The following ADRA1B variants were observed in gnomAD, a reference collection of about 807,000 sequenced individuals.
The protein encoded by ADRA1B is alpha-1B adrenergic receptor.
Under a neutral mutation model 17.9 loss-of-function variants are expected in ADRA1B, and 17 were observed. That is an observed-to-expected ratio of 0.95 (90% CI 0.65 to 1.42). ADRA1B has a LOEUF of 1.42. Ranked by LOEUF, ADRA1B falls within the 40% of genes most tolerant of loss-of-function variation. The probability of loss-of-function intolerance (pLI) is 0.00; values close to 1 mark genes in which losing one functional copy is unlikely to be tolerated. For missense variants in ADRA1B, 681 were observed against 722.1 expected, an observed-to-expected ratio of 0.94 and a Z score of 0.65; for synonymous variants, 366 against 327.6, an observed-to-expected ratio of 1.12 and a Z score of -1.27.
intron 1 of ADRA1B, among the ~76,000 whole-genome samples, chr5:159,953,571 G>T (rs556843637): frequency 6.6e-6 from 1 of 152,114 alleles, no homozygotes; most frequent in Non-Finnish European, 1.5e-5. Flanking sequence ...GCTCTGGGTC[G>T]GGCCTCAAAT....
At chr5:159,932,843 C>T (rs1754852978) in intron 1 of ADRA1B, among the ~76,000 whole-genome samples, 1 of 152,112 alleles carries the variant, frequency 6.6e-6, no homozygotes, top group Non-Finnish European at 1.5e-5. Flanking sequence ...AATAGAGTAG[C>T]TTCATTCTTA....
At chr5:159,876,845 A>G (rs560235476) in intron 1 of ADRA1B, among the ~76,000 whole-genome samples, 1 of 152,328 alleles carries the variant, frequency 6.6e-6, no homozygotes, top group Admixed American at 6.5e-5. Context: ...ACCAGCTGAC[A>G]GTAAAGTCAT....
At chr5:159,943,040 C>T (rs1379428139) in intron 1 of ADRA1B, among the ~76,000 whole-genome samples, 5 of 151,958 alleles carry the variant, frequency 3.3e-5, no homozygotes, top group African/African-American at 9.7e-5. Context: ...GGTGAAACCC[C>T]GTCTCTACTA....
At chr5:159,988,269 C>T in the ADRA1B span, among the ~76,000 whole-genome samples, 6 of 152,164 alleles carry the variant, frequency 3.9e-5, no homozygotes, top group Non-Finnish European at 7.4e-5. Flanking sequence ...CTTGAAAGGT[C>T]AAGGAAACAG....
chr5:159,878,708 G>T (rs1425474063), intron 1 of ADRA1B, among the ~76,000 whole-genome samples: 1 of 152,174 alleles, frequency 6.6e-6, no homozygotes, highest in African/African-American at 2.4e-5. Flanking sequence ...TCTACAGGAA[G>T]TGACAGGATT....
At chr5:159,988,487 G>A in the ADRA1B span, among the ~76,000 whole-genome samples, 1 of 152,206 alleles carries the variant, frequency 6.6e-6, no homozygotes, top group African/African-American at 2.4e-5. Flanking sequence ...AGTGGTAAGA[G>A]ACCACAGTCC....
chr5:159,955,215 G>A (rs1755529978), intron 1 of ADRA1B: 2 of 985,220 alleles, frequency 2.0e-6, no homozygotes, highest in Non-Finnish European at 2.4e-6. Flanking sequence ...AAGTCCTGAG[G>A]GCTGCGGGTG....
At chr5:159,985,341 A>T in the ADRA1B span, among the ~76,000 whole-genome samples, 3 of 152,252 alleles carry the variant, frequency 2.0e-5, no homozygotes, top group African/African-American at 7.2e-5. Context: ...CTCCATTGGA[A>T]TATGAAATCC....
intron 1 of ADRA1B, among the ~76,000 whole-genome samples, chr5:159,960,523 T>G (rs1755647972): frequency 6.6e-6 from 1 of 152,152 alleles, no homozygotes. Context: ...AGGCAATACT[T>G]CTCACCTCAG....
chr5:159,935,942 C>A lies in ADRA1B; in HGVS notation c.949+18088C>A, dbSNP rs139202740. 3.9e-5 allele frequency among the ~76,000 whole-genome samples: 6 copies of A among 152,364 alleles called. No individual in the cohort carries two copies. In the East Asian group the frequency reaches 1.2e-3, roughly 29 times the overall value. On this transcript the variant is annotated intron_variant, in intron 1 of 1. Coordinates refer to ENST00000306675, the MANE Select transcript of ADRA1B (RefSeq NM_000679.4). ...TCAGTCCTGGGTTCAAACTCCACTC[C>A]TGCTTCTTTACTACCTGTGTGGCTT...
At chr5:159,939,408 C>T (rs180786185) in intron 1 of ADRA1B, among the ~76,000 whole-genome samples, 67 of 151,776 alleles carry the variant, frequency 4.4e-4, no homozygotes, top group African/African-American at 1.5e-3. Flanking sequence ...TTGCAAAGAT[C>T]TTCCTAGAGC....
At chr5:159,888,142 C>T (rs1235137829) in intron 1 of ADRA1B, 1 of 152,160 alleles carries the variant, frequency 6.6e-6, no homozygotes, top group African/African-American at 2.4e-5. Context: ...TAGAGATCAG[C>T]ACACTTGCCT....
At chr5:159,914,063 C>G (rs1754254359), upstream of ADRA1B, among the ~76,000 whole-genome samples, 1 of 152,156 alleles carries the variant, frequency 6.6e-6, no homozygotes, top group Non-Finnish European at 1.5e-5. Flanking sequence ...CACTCTCACC[C>G]CTACCCTGGA....
intron 1 of ADRA1B, among the ~76,000 whole-genome samples, chr5:159,955,889 T>C (rs146774051): frequency 2.7e-3 from 408 of 152,258 alleles, no homozygotes; most frequent in East Asian, 8.1e-3. Context: ...CCCTATATTT[T>C]TGACCTTTGT....
At chr5:159,899,288 AAGG>A (rs1341870508) in intron 1 of ADRA1B, among the ~76,000 whole-genome samples, 5 of 141,276 alleles carry the variant, frequency 3.5e-5, no homozygotes, top group African/African-American at 5.0e-5. Flanking sequence ...GGAAGGAAGG[AAGG>A]AAGGAAGGAA....
At chr5:159,941,923 T>TC (rs1755140854) in intron 1 of ADRA1B, among the ~76,000 whole-genome samples, 1 of 146,410 alleles carries the variant, frequency 6.8e-6, no homozygotes, top group Non-Finnish European at 1.5e-5. Context: ...GGGTTTCTTT[T>TC]TTTTTTTTTT....
intron 1 of ADRA1B, among the ~76,000 whole-genome samples, chr5:159,884,919 T>C (rs1012868017): frequency 6.6e-6 from 1 of 152,240 alleles, no homozygotes; most frequent in African/African-American, 2.4e-5. Flanking sequence ...AACTCACTGT[T>C]GTGAGTGACA....
the ADRA1B span, among the ~76,000 whole-genome samples, chr5:159,988,944 C>T: frequency 1.3e-5 from 2 of 152,234 alleles, no homozygotes; most frequent in African/African-American, 4.8e-5. Flanking sequence ...TACCTTTTGG[C>T]TATTGTGAAT....
intron 1 of ADRA1B, chr5:159,868,121 AT>A (rs1276077019): frequency 6.6e-6 from 1 of 152,216 alleles, no homozygotes; most frequent in African/African-American, 2.4e-5. Flanking sequence ...AAATGGTGAT[AT>A]TGTAAACACC....
Sources: gnomAD v4.1 joint callset for allele counts (sites outside exome capture counted in the v4.1 genomes callset) on GRCh38, gnomAD v4.1.1 for gene constraint, MANE v1.5 for transcripts, NCBI Gene and HGNC (gene_info 2026-07-23, HGNC 2026-07-21) for gene names.